Variants in RPH3A observed in about 807,000 individuals in gnomAD.
RPH3A encodes the protein rabphilin 3A.
RPH3A carries 48 observed loss-of-function variants against 102.2 expected under a neutral mutation model. The ratio of observed to expected loss-of-function variants is 0.47; its 90% CI spans 0.37 to 0.60. The LOEUF is 0.60. Ranked by LOEUF, RPH3A falls within the 20% of genes least tolerant of loss-of-function variation. The pLI is 0.00. For missense variants in RPH3A, 781 were observed against 910.1 expected (o/e 0.86, Z 1.83); for synonymous variants, 310 against 324.3 (o/e 0.96, Z 0.47).
At position 112,601,441 on chromosome 12, in the gene RPH3A, G is replaced by A. The variant is rs776642931; in HGVS notation, c.-140+26122G>A. On this transcript the variant is annotated intron_variant, in intron 1 of 21. Transcript: ENST00000543106. ...AATTTGCCCTATCAACAGGAAAGTGGATTTGTACATTATATTCATGCCACT... is the reference window on the plus strand; with the variant it reads ...AATTTGCCCTATCAACAGGAAAGTGAATTTGTACATTATATTCATGCCACT... Among the ~76,000 whole-genome samples the A allele has an allele frequency of 1.2e-3, 189 of 152,286 alleles. 2 individuals carry two copies. The highest frequency in any genetic ancestry group is 2.4e-3 in the Non-Finnish European group (165 of 68,024).
chr12:112,766,234 G>A (rs2040887662), intron 1 of RPH3A, among the ~76,000 whole-genome samples: 1 of 152,268 alleles, frequency 6.6e-6, no homozygotes, highest in African/African-American at 2.4e-5. Flanking sequence ...TGTATGGATG[G>A]CAACACCAAA....
intron 1 of RPH3A, among the ~76,000 whole-genome samples, chr12:112,715,101 C>T (rs914878499): frequency 6.6e-6 from 1 of 152,104 alleles, no homozygotes; most frequent in Admixed American, 6.5e-5. Flanking sequence ...ATCATTTTTC[C>T]ATCTCTCCAT....
chr12:112,673,829 A>T (rs952432433), intron 1 of RPH3A, among the ~76,000 whole-genome samples: 2 of 151,860 alleles, frequency 1.3e-5, no homozygotes, highest in South Asian at 2.1e-4. Context: ...CCCTCCCCAC[A>T]CAGCCCCCCA....
chr12:112,653,573 T>C (rs548461481), intron 1 of RPH3A, among the ~76,000 whole-genome samples: 1 of 152,170 alleles, frequency 6.6e-6, no homozygotes, highest in Non-Finnish European at 1.5e-5. Context: ...TTAATTTATT[T>C]AAAAATTTCT....
At chr12:112,588,512 G>A (rs1294059253) in intron 1 of RPH3A, among the ~76,000 whole-genome samples, 5 of 152,128 alleles carry the variant, frequency 3.3e-5, no homozygotes, top group Non-Finnish European at 7.3e-5. Flanking sequence ...ATCTCCCACG[G>A]GGTCCCTCCC....
Position 112,894,655 on chromosome 12 carries a change from A to G in RPH3A, c.1853A>G (p.Asn618Ser), listed in dbSNP as rs768716613. 16 of 1,613,556 alleles carry G rather than the reference A, an allele frequency of 9.9e-6. No homozygotes were observed. Among genetic ancestry groups the G allele is most frequent in the Admixed American group, 1.7e-5 (1 of 59,924 alleles). ...IKKKTLNPEF[N>S]EEFFYDIKHS... ...AAGAAAACCTTGAATCCCGAATTCAATGAGGTAAGGCTGCCCTATTCTTTT... is the reference window on the plus strand; with the variant it reads ...AAGAAAACCTTGAATCCCGAATTCAGTGAGGTAAGGCTGCCCTATTCTTTT... Residue 618 changes from asparagine to serine, a missense_variant, in exon 20 of 22, where the codon AAT (asparagine) becomes AGT (serine). By Grantham distance (46) the Asn-to-Ser change is conservative. Around this residue, in one of 2 missense-constraint regions of RPH3A, gnomAD observed 51 missense variants for 100.1 expected, o/e 0.51. Transcript: ENST00000389385.
rs188643531 is a variant in RPH3A, at chr12:112,670,370, A to T, written c.-140+95051A>T. ...GCTAATTTCTGTATTTTTATTAGAG[A>T]TGGGATTTCAACATTTTGGCCAGGC... is the stretch of plus-strand genomic sequence containing the variant. On this transcript the variant is annotated intron_variant, in intron 1 of 21. Coordinates refer to the RPH3A transcript ENST00000543106. 2.6e-5 allele frequency among the ~76,000 whole-genome samples: 4 copies of T among 152,164 alleles called. No individual in the cohort carries two copies. In the East Asian group the frequency reaches 7.7e-4, roughly 29 times the overall value.
At chr12:112,642,807 C>T (rs1443180274) in intron 1 of RPH3A, among the ~76,000 whole-genome samples, 1 of 152,206 alleles carries the variant, frequency 6.6e-6, no homozygotes, top group East Asian at 1.9e-4. Context: ...TTAATCCTCA[C>T]ATCAATTCCA....
intron 1 of RPH3A, among the ~76,000 whole-genome samples, chr12:112,589,333 A>G (rs547816426): frequency 1.2e-4 from 18 of 152,248 alleles, no homozygotes; most frequent in Admixed American, 2.0e-4. Flanking sequence ...ACTTCAGCCC[A>G]TTTAACTCCC....
intron 1 of RPH3A, among the ~76,000 whole-genome samples, chr12:112,712,908 TC>T (rs2040475753): frequency 5.5e-5 from 6 of 109,074 alleles, no homozygotes; most frequent in African/African-American, 1.6e-4. Flanking sequence ...TTCTTCCTCT[TC>T]TTCTTCTTCT....
chr12:112,702,738 G>T (rs2040403536), intron 1 of RPH3A, among the ~76,000 whole-genome samples: 1 of 152,224 alleles, frequency 6.6e-6, no homozygotes, highest in African/African-American at 2.4e-5. Flanking sequence ...CCCCAAAAAT[G>T]TTCTGCTGGT....
At chr12:112,746,338 A>G (rs1436714413) in intron 1 of RPH3A, among the ~76,000 whole-genome samples, 1 of 152,194 alleles carries the variant, frequency 6.6e-6, no homozygotes, top group African/African-American at 2.4e-5. Flanking sequence ...AGGGACGTAC[A>G]TGCTCATGTG....
At chr12:112,667,768 T>C (rs904287667) in intron 1 of RPH3A, among the ~76,000 whole-genome samples, 1 of 149,134 alleles carries the variant, frequency 6.7e-6, no homozygotes, top group Admixed American at 6.7e-5. Flanking sequence ...CAGGCCACCT[T>C]GGAGGATCAC....
intron 1 of RPH3A, among the ~76,000 whole-genome samples, chr12:112,700,324 T>TATATATATATATATATATA (rs2040384302): frequency 2.0e-5 from 3 of 152,138 alleles, no homozygotes; most frequent in Non-Finnish European, 4.4e-5. Context: ...CCACCTCTGC[T>TATATATATATATATATATA]TCCCCAAGTG....
intron 1 of RPH3A, among the ~76,000 whole-genome samples, chr12:112,580,519 T>G (rs189997580): frequency 0.034 from 5,090 of 147,626 alleles, 104 homozygotes; most frequent in Non-Finnish European, 0.038. Flanking sequence ...TTCTCCTGCC[T>G]CAGCCTCCCG....
At chr12:112,597,390 C>T (rs1384535043) in intron 1 of RPH3A, among the ~76,000 whole-genome samples, 1 of 151,908 alleles carries the variant, frequency 6.6e-6, no homozygotes, top group Non-Finnish European at 1.5e-5. Flanking sequence ...TAAGACCAGC[C>T]CGGGCAACAT....
At chr12:112,631,541 G>A (rs996479552) in intron 1 of RPH3A, among the ~76,000 whole-genome samples, 4 of 151,876 alleles carry the variant, frequency 2.6e-5, no homozygotes, top group Admixed American at 2.6e-4. Context: ...TTGAGACAGG[G>A]TCTCTGTCTG....
chr12:112,894,020 G>C (rs1484644709), intron 19 of RPH3A: 1 of 155,044 alleles, frequency 6.4e-6, no homozygotes, highest in Admixed American at 6.5e-5. Context: ...ACGGTCTTAA[G>C]GCCACATGAA....
At position 112,851,851 on chromosome 12, in the gene RPH3A, C is replaced by T. The variant is rs530807727; in HGVS notation, c.230+4009C>T. Among the ~76,000 whole-genome samples, 80 of 152,220 alleles carry T rather than the reference C, an allele frequency of 5.3e-4. 1 individual carries two copies. The highest frequency in any genetic ancestry group is 1.0e-3 in the Admixed American group (16 of 15,288). On this transcript the variant is annotated intron_variant, in intron 5 of 21. Transcript: ENST00000389385. ...GATTTCAGAATTTATTTTGCATGCCCGACTGCTACAGATTTTCTATATTAG... is the reference window on the plus strand; with the variant it reads ...GATTTCAGAATTTATTTTGCATGCCTGACTGCTACAGATTTTCTATATTAG...
Sources: gnomAD v4.1 joint callset for allele counts (sites outside exome capture counted in the v4.1 genomes callset) on GRCh38, gnomAD v4.1.1 for gene constraint, gnomAD v4.1.1 regional missense constraint, MANE v1.5 for transcripts, NCBI Gene and HGNC (gene_info 2026-07-23, HGNC 2026-07-21) for gene names.